The following INPP4A variants were observed in gnomAD, a reference collection of about 807,000 sequenced individuals.
The protein encoded by INPP4A is inositol polyphosphate-4-phosphatase type I A, also known as inositol polyphosphate-4-phosphatase, type I, 107kD.
A neutral mutation model predicts 119.8 loss-of-function variants in INPP4A; 33 were observed. That is an observed-to-expected ratio of 0.28 (90% CI 0.21 to 0.37). The LOEUF (loss-of-function observed/expected upper bound fraction) is 0.37, where lower values mean the gene tolerates loss of function less well. INPP4A is among the 10% of genes least tolerant of loss of function. The pLI, the probability that INPP4A is intolerant of heterozygous loss-of-function variation, is 1.00. For synonymous variants in INPP4A, 496 were observed against 500.7 expected, an observed-to-expected ratio of 0.99 and a Z score of 0.12; for missense variants, 956 against 1,289.9, an observed-to-expected ratio of 0.74 and a Z score of 3.97.
intron 18 of INPP4A, among the ~76,000 whole-genome samples, chr2:98,564,146 TG>T (rs1368486059): frequency 6.6e-6 from 1 of 152,146 alleles, no homozygotes; most frequent in Non-Finnish European, 1.5e-5. Context: ...AACAGTGATT[TG>T]GGGTTGGGCT....
intron 3 of INPP4A, 41 bp downstream of exon 3, chr2:98,520,195 T>A (rs1160879268): frequency 7.0e-7 from 1 of 1,424,078 alleles, no homozygotes; most frequent in Non-Finnish European, 9.7e-7. Context: ...AGGTATGAGC[T>A]CACAGCACCT....
At chr2:98,521,455 C>T (rs1337458051) in intron 4 of INPP4A, 1 of 152,256 alleles carries the variant, frequency 6.6e-6, no homozygotes, top group Non-Finnish European at 1.5e-5. Flanking sequence ...GACCTGGATT[C>T]CAGCCCTGAC....
At position 98,570,079 on chromosome 2, in the gene INPP4A, G is replaced by T. The variant is rs1697183449; in HGVS notation, c.2518+1411G>T. Among the ~76,000 whole-genome samples, 1 of 152,160 alleles carries T rather than the reference G, an allele frequency of 6.6e-6. No homozygotes were observed. The highest frequency in any genetic ancestry group is 6.5e-5 in the Admixed American group (1 of 15,292). ...TCTGCTGGGAGAGCTGACAGACCTG[G>T]CTCTGGGCAAGGACGCTGGAGTTGC... On this transcript the variant is annotated intron_variant, in intron 22 of 24. Transcript: ENST00000409851. This position sits in a 1 kb window ranked among gnomAD's most constrained non-coding sequence, Gnocchi z 4.3.
At chr2:98,506,018 T>C (rs969883349) in intron 1 of INPP4A, among the ~76,000 whole-genome samples, 9 of 152,220 alleles carry the variant, frequency 5.9e-5, no homozygotes, top group Non-Finnish European at 1.3e-4. Flanking sequence ...AAATCAAACA[T>C]GAATGATACA....
chr2:98,535,072 G>A (rs544688826), intron 5 of INPP4A, among the ~76,000 whole-genome samples: 22 of 152,320 alleles, frequency 1.4e-4, no homozygotes, highest in Non-Finnish European at 2.1e-4. Flanking sequence ...GAGAGAAAAA[G>A]GAGCCAGAGG....
chr2:98,571,991 C>A (rs1446995465), intron 22 of INPP4A: 2 of 152,500 alleles, frequency 1.3e-5, no homozygotes, highest in Admixed American at 1.3e-4. Context: ...TAGCACAGGA[C>A]CTGTGTACGC....
chr2:98,476,743 C>T (rs1488337843), intron 1 of INPP4A, among the ~76,000 whole-genome samples: 2 of 152,196 alleles, frequency 1.3e-5, no homozygotes, highest in Admixed American at 6.5e-5. Context: ...GATAGCCTTG[C>T]CTCCCTTCCT....
chr2:98,472,387 C>A (rs1020704954), intron 1 of INPP4A, among the ~76,000 whole-genome samples: 4 of 152,228 alleles, frequency 2.6e-5, no homozygotes, highest in African/African-American at 9.6e-5. Context: ...AGCAGATTCT[C>A]TTGGCTGCCC....
intron 1 of INPP4A, among the ~76,000 whole-genome samples, chr2:98,455,462 C>T (rs1329229442): frequency 3.3e-5 from 5 of 152,138 alleles, no homozygotes; most frequent in African/African-American, 1.2e-4. Flanking sequence ...AGACTGTGCC[C>T]ACCTCAGGTA....
chr2:98,460,676 G>A (rs950209359), intron 1 of INPP4A, among the ~76,000 whole-genome samples: 5 of 152,134 alleles, frequency 3.3e-5, no homozygotes, highest in African/African-American at 9.7e-5. Flanking sequence ...CCTTGTCTCC[G>A]CTCTGTGTTG....
At chr2:98,494,100 C>T (rs1681416394) in intron 1 of INPP4A, among the ~76,000 whole-genome samples, 3 of 152,208 alleles carry the variant, frequency 2.0e-5, no homozygotes, top group Non-Finnish European at 4.4e-5. Context: ...CTTCTCTTTT[C>T]CCATCCGCTG....
intron 7 of INPP4A, 33 bp downstream of exon 7, chr2:98,536,241 C>A: frequency 1.5e-6 from 2 of 1,356,524 alleles, no homozygotes; most frequent in South Asian, 2.4e-5. Flanking sequence ...TTGAAAGGAT[C>A]TGGAATCATG....
rs1343718204 is a variant in INPP4A, at chr2:98,448,322, C to T, written c.-166+3237C>T. 2.1e-5 allele frequency among the ~76,000 whole-genome samples: 3 copies of T among 145,312 alleles called. No individual in the cohort carries two copies. In the East Asian group the frequency reaches 6.0e-4, roughly 29 times the overall value. On this transcript the variant is annotated intron_variant, in intron 1 of 24. Coordinates refer to ENST00000409851, the MANE Select transcript of INPP4A (RefSeq NM_001134225.2). ...AGTGAGCCGAGATCACACCACTGCACTCTAGCCTAGGCAGCAGAGTGAGAC... is the reference window on the plus strand; with the variant it reads ...AGTGAGCCGAGATCACACCACTGCATTCTAGCCTAGGCAGCAGAGTGAGAC...
intron 3 of INPP4A, among the ~76,000 whole-genome samples, chr2:98,520,377 C>T (rs1175856350): frequency 2.6e-5 from 4 of 152,138 alleles, no homozygotes; most frequent in Admixed American, 2.0e-4. Flanking sequence ...CATTAGTTTT[C>T]CAGTTTGGTG....
At chr2:98,514,158 A>G (rs1407049725) in intron 1 of INPP4A, among the ~76,000 whole-genome samples, 1 of 152,214 alleles carries the variant, frequency 6.6e-6, no homozygotes, top group Admixed American at 6.5e-5. Flanking sequence ...TTTACGTTAA[A>G]GTCATCTCAC....
intron 24 of INPP4A, among the ~76,000 whole-genome samples, chr2:98,584,072 A>C (rs1453464117): frequency 6.6e-6 from 1 of 152,180 alleles, no homozygotes; most frequent in African/African-American, 2.4e-5. Flanking sequence ...AGGGAGTCTG[A>C]AGTCACCAAA....
chr2:98,447,154 C>G (rs1694333710), intron 1 of INPP4A, among the ~76,000 whole-genome samples: 1 of 152,170 alleles, frequency 6.6e-6, no homozygotes, highest in South Asian at 2.1e-4. Context: ...AAGACTGTTT[C>G]ATCCTGTTTT....
At chr2:98,456,250 G>A (rs1485931389) in intron 1 of INPP4A, among the ~76,000 whole-genome samples, 2 of 152,210 alleles carry the variant, frequency 1.3e-5, no homozygotes, top group African/African-American at 4.8e-5. Flanking sequence ...GGCTTCAAAT[G>A]TCAAATGGAT....
intron 10 of INPP4A, among the ~76,000 whole-genome samples, chr2:98,543,389 A>C (rs1268022668): frequency 1.3e-5 from 2 of 152,148 alleles, no homozygotes; most frequent in Non-Finnish European, 2.9e-5. Flanking sequence ...AGGCAATGAG[A>C]AGCGCTGTCC....
Sources: gnomAD v4.1 joint callset for allele counts (sites outside exome capture counted in the v4.1 genomes callset) on GRCh38, gnomAD v4.1.1 for gene constraint, Gnocchi (gnomAD v3.1) non-coding constraint, MANE v1.5 for transcripts, NCBI Gene and HGNC (gene_info 2026-07-23, HGNC 2026-07-21) for gene names.